Variants in RNF150 observed in about 807,000 individuals in gnomAD.
RNF150 encodes the protein ring finger protein 150.
RNF150 carries 24 observed loss-of-function variants against 39.3 expected under a neutral mutation model. The observed-to-expected ratio is 0.61, with a 90% CI of 0.44 to 0.86. The LOEUF (loss-of-function observed/expected upper bound fraction) is 0.86, where lower values mean the gene tolerates loss of function less well. Ranked by LOEUF, RNF150 falls within the 40% of genes least tolerant of loss-of-function variation. The pLI is 0.00. For missense variants in RNF150, 502 were observed against 587.8 expected, an observed-to-expected ratio of 0.85 and a Z score of 1.51; for synonymous variants, 255 against 227.3, an observed-to-expected ratio of 1.12 and a Z score of -1.10.
chr4:141,132,706 C>A lies in RNF150; in HGVS notation c.103G>T (p.Glu35Ter). 1 of 1,609,692 alleles carries A rather than the reference C, an allele frequency of 6.2e-7. No homozygotes were observed. The highest frequency in any genetic ancestry group is 1.1e-5 in the South Asian group (1 of 90,952). ...AAGGCGGTGTACCATTCCTCCTTCT[C>A]GGCCACGGTAAAGTCCAGGCAGAGC... is the stretch of plus-strand genomic sequence containing the variant. ...HLLCLDFTVA[E>*]KEEWYTAFVN... is the part of the protein sequence containing the mutation. Residue 35 changes from glutamate (E) to a stop codon, truncating the protein, a stop_gained, in exon 1 of 7, where the codon GAG becomes TAG. Transcript: ENST00000515673. LOFTEE classifies it high-confidence loss of function. The surrounding 1 kb of genome is among the most constrained non-coding windows in gnomAD (Gnocchi z 4.9).
At chr4:140,910,577 G>C (rs1237547751) in intron 6 of RNF150, among the ~76,000 whole-genome samples, 2 of 151,380 alleles carry the variant, frequency 1.3e-5, no homozygotes, top group Non-Finnish European at 1.5e-5. Context: ...CAGGGGTTTA[G>C]TGTCTCTTGC....
chr4:141,088,678 TACAC>T (rs60239559), intron 1 of RNF150, among the ~76,000 whole-genome samples: 2,763 of 146,584 alleles, frequency 0.019, 65 homozygotes, highest in African/African-American at 0.058. Context: ...ACTTTGCTTT[TACAC>T]ACACACACAC....
intron 1 of RNF150, among the ~76,000 whole-genome samples, chr4:141,048,103 C>T (rs1736647489): frequency 6.6e-6 from 1 of 152,162 alleles, no homozygotes; most frequent in South Asian, 2.1e-4. Flanking sequence ...AAGATCCTGC[C>T]TAACCGAAAT....
At chr4:141,139,820 T>C (rs1727088417) in intron 1 of RNF150, among the ~76,000 whole-genome samples, 1 of 152,000 alleles carries the variant, frequency 6.6e-6, no homozygotes, top group Non-Finnish European at 1.5e-5. Flanking sequence ...AGAGTGGGGG[T>C]TGTAATCCTG....
At chr4:140,974,522 G>A (rs1275834931) in intron 1 of RNF150, among the ~76,000 whole-genome samples, 8 of 152,192 alleles carry the variant, frequency 5.3e-5, no homozygotes, top group Non-Finnish European at 7.3e-5. Flanking sequence ...ATGCAAAGGA[G>A]TATAACTGCT....
chr4:140,885,522 T>C (rs929541326), intron 6 of RNF150, among the ~76,000 whole-genome samples: 1 of 149,104 alleles, frequency 6.7e-6, no homozygotes, highest in African/African-American at 2.5e-5. Flanking sequence ...CTGCAACCAC[T>C]GCCTCCCGGG....
rs1221581085 is a variant in RNF150 at position 140,861,625 on chromosome 4, C to T, written c.*6636G>A. On this transcript the variant is annotated 3_prime_UTR_variant, in exon 7 of 7. Coordinates refer to ENST00000515673, the MANE Select transcript of RNF150 (RefSeq NM_020724.2). ...CCAACACAAATTCAGACCGAAAAGTCCATGTATGTGTTAGTTCTTCAACTG... is the reference window on the plus strand; with the variant it reads ...CCAACACAAATTCAGACCGAAAAGTTCATGTATGTGTTAGTTCTTCAACTG... 2 of 152,218 alleles carry T rather than the reference C, an allele frequency of 1.3e-5. No individual in the cohort carries two copies. Among genetic ancestry groups the T allele is most frequent in the Non-Finnish European group, 2.9e-5 (2 of 68,048 alleles). 9.4% of individuals were successfully genotyped at this position (152,218 alleles called of 1,614,324 possible). A position where few individuals can be genotyped will look rare whatever the true frequency, so the allele number is the denominator to read the frequency against.
At chr4:140,994,158 A>C (rs2111485430) in intron 1 of RNF150, among the ~76,000 whole-genome samples, 1 of 152,336 alleles carries the variant, frequency 6.6e-6, no homozygotes, top group African/African-American at 2.4e-5. Context: ...AATAAAAACA[A>C]GAGCAGCAGA....
At chr4:140,998,269 G>A (rs971840874) in intron 1 of RNF150, among the ~76,000 whole-genome samples, 2 of 152,146 alleles carry the variant, frequency 1.3e-5, no homozygotes, top group African/African-American at 4.8e-5. Context: ...CATGAAGACA[G>A]GGCCTCTAAG....
At chr4:141,121,764 A>T (rs932799148) in intron 1 of RNF150, among the ~76,000 whole-genome samples, 10 of 150,734 alleles carry the variant, frequency 6.6e-5, no homozygotes, top group South Asian at 2.1e-4. Flanking sequence ...CGGGAAATTT[A>T]AAAAAAATTA....
intron 1 of RNF150, among the ~76,000 whole-genome samples, chr4:141,100,457 G>C (rs1217722639): frequency 6.6e-6 from 1 of 152,132 alleles, no homozygotes; most frequent in Non-Finnish European, 1.5e-5. Context: ...CACAAGTACT[G>C]TACATCTACT....
At chr4:141,117,964 T>G (rs141210542) in intron 1 of RNF150, among the ~76,000 whole-genome samples, 3 of 152,206 alleles carry the variant, frequency 2.0e-5, no homozygotes, top group Non-Finnish European at 4.4e-5. Flanking sequence ...TTCCTCATAG[T>G]GTGTTCTCCC....
At chr4:141,200,431 A>G (rs1425705256) in intron 1 of RNF150, among the ~76,000 whole-genome samples, 1 of 151,570 alleles carries the variant, frequency 6.6e-6, no homozygotes, top group African/African-American at 2.4e-5. Context: ...CCACCTCCTA[A>G]TACTATCACA....
intron 1 of RNF150, among the ~76,000 whole-genome samples, chr4:141,067,231 T>C (rs968618975): frequency 6.6e-6 from 1 of 152,212 alleles, no homozygotes; most frequent in Admixed American, 6.6e-5. Flanking sequence ...AGAAAACATG[T>C]ATATAGAGTA....
At chr4:140,954,034 C>T (rs756003970) in intron 2 of RNF150, among the ~76,000 whole-genome samples, 14 of 152,134 alleles carry the variant, frequency 9.2e-5, no homozygotes, top group Admixed American at 1.3e-4. Flanking sequence ...CTTTCCTTTG[C>T]CATTCTCAGA....
At chr4:140,899,821 C>T (rs1730108977) in intron 6 of RNF150, among the ~76,000 whole-genome samples, 1 of 110,264 alleles carries the variant, frequency 9.1e-6, no homozygotes, top group Non-Finnish European at 2.0e-5. Flanking sequence ...AGAAGTTTTC[C>T]CTGAAAATTT....
At chr4:140,912,017 C>A (rs541956966) in intron 5 of RNF150, among the ~76,000 whole-genome samples, 1 of 152,100 alleles carries the variant, frequency 6.6e-6, no homozygotes, top group Non-Finnish European at 1.5e-5. Flanking sequence ...ATGGTGAGAC[C>A]CCCTTGTTCA....
chr4:141,070,205 C>T (rs1208625805), intron 1 of RNF150, among the ~76,000 whole-genome samples: 4 of 152,164 alleles, frequency 2.6e-5, no homozygotes, highest in African/African-American at 9.7e-5. Flanking sequence ...TGGATCCCTT[C>T]CTTACACCTT....
intron 1 of RNF150, among the ~76,000 whole-genome samples, chr4:141,198,814 A>C (rs948205782): frequency 2.0e-5 from 3 of 152,256 alleles, no homozygotes; most frequent in African/African-American, 7.2e-5. Flanking sequence ...AAAGTAGAAC[A>C]ATTAAGTAGC....
Sources: allele counts gnomAD v4.1 joint callset (sites outside exome capture counted in the v4.1 genomes callset), GRCh38; gene constraint gnomAD v4.1.1; non-coding constraint Gnocchi (gnomAD v3.1); transcripts MANE v1.5; gene names NCBI Gene and HGNC (gene_info 2026-07-23, HGNC 2026-07-21).